The following CACNA2D1 variants were observed in gnomAD, a reference collection of about 807,000 sequenced individuals.
CACNA2D1 encodes the protein voltage-dependent calcium channel subunit alpha-2/delta-1.
A neutral mutation model predicts 171.5 loss-of-function variants in CACNA2D1; 53 were observed. The ratio of observed to expected loss-of-function variants is 0.31; its 90% confidence interval spans 0.25 to 0.39. The LOEUF (loss-of-function observed/expected upper bound fraction) is 0.39, where lower values mean the gene tolerates loss of function less well. CACNA2D1 is among the 10% of genes least tolerant of loss of function. The probability of loss-of-function intolerance (pLI) is 1.00; values close to 1 mark genes in which losing one functional copy is unlikely to be tolerated. For synonymous variants in CACNA2D1, 442 were observed against 443.1 expected (o/e 1.00, Z 0.03); for missense variants, 903 against 1,299.8 (o/e 0.69, Z 4.69).
intron 29 of CACNA2D1, among the ~76,000 whole-genome samples, chr7:81,968,207 C>T (rs543194068): frequency 2.0e-5 from 3 of 151,428 alleles, no homozygotes; most frequent in Non-Finnish European, 4.4e-5. Flanking sequence ...GTAAAGCTGT[C>T]CTCAGGAGCA....
chr7:82,054,824 T>C (rs78181656), intron 10 of CACNA2D1, among the ~76,000 whole-genome samples: 1 of 152,220 alleles, frequency 6.6e-6, no homozygotes, highest in Non-Finnish European at 1.5e-5. Context: ...GATTTTCATC[T>C]GCAGTGATCA....
At chr7:82,146,342 A>G (rs939100954) in intron 4 of CACNA2D1, among the ~76,000 whole-genome samples, 8 of 143,572 alleles carry the variant, frequency 5.6e-5, no homozygotes, top group Non-Finnish European at 1.1e-4. Context: ...GTGTGTGTGT[A>G]GAAGAAATGA....
intron 3 of CACNA2D1, among the ~76,000 whole-genome samples, chr7:82,215,882 G>A (rs1333765898): frequency 6.6e-6 from 1 of 151,986 alleles, no homozygotes. Flanking sequence ...TTTATACTGA[G>A]ATGCATTTAT....
intron 3 of CACNA2D1, among the ~76,000 whole-genome samples, chr7:82,180,969 G>A (rs1585023438): frequency 6.7e-6 from 1 of 148,876 alleles, no homozygotes; most frequent in South Asian, 2.1e-4. Flanking sequence ...ATGCCAGAAG[G>A]GGGAACTTAT....
chr7:82,008,802 G>C (rs1799414836), intron 15 of CACNA2D1, among the ~76,000 whole-genome samples: 1 of 152,008 alleles, frequency 6.6e-6, no homozygotes, highest in African/African-American at 2.4e-5. Context: ...TAATATCAGG[G>C]AGCAAATGTT....
chr7:82,003,010 G>A (rs893705606), intron 18 of CACNA2D1, among the ~76,000 whole-genome samples: 2 of 151,912 alleles, frequency 1.3e-5, no homozygotes, highest in Admixed American at 6.6e-5. Flanking sequence ...TTAAGATTTT[G>A]TTAGTATACT....
intron 4 of CACNA2D1, among the ~76,000 whole-genome samples, chr7:82,140,772 G>A (rs981600002): frequency 1.3e-5 from 2 of 151,796 alleles, no homozygotes; most frequent in South Asian, 2.1e-4. Context: ...TGGCCAACAC[G>A]GTGAAATCCT....
intron 3 of CACNA2D1, among the ~76,000 whole-genome samples, chr7:82,245,306 C>T (rs1804775789): frequency 6.6e-6 from 1 of 152,160 alleles, no homozygotes. Context: ...TCTGAATCCC[C>T]TTGGGCTTAC....
chr7:82,381,034 C>T (rs993249407), intron 1 of CACNA2D1, among the ~76,000 whole-genome samples: 1 of 151,158 alleles, frequency 6.6e-6, no homozygotes, highest in Admixed American at 6.6e-5. Flanking sequence ...CCTTGACGGC[C>T]GGGTGTGGTG....
intron 10 of CACNA2D1, among the ~76,000 whole-genome samples, chr7:82,046,115 G>A (rs7786839): frequency 0.018 from 2,796 of 152,066 alleles, 92 homozygotes; most frequent in African/African-American, 0.062. Flanking sequence ...TTCATTCCAG[G>A]AAAAATTATT....
intron 10 of CACNA2D1, among the ~76,000 whole-genome samples, chr7:82,043,813 T>A (rs1296191254): frequency 6.6e-6 from 1 of 152,100 alleles, no homozygotes; most frequent in Non-Finnish European, 1.5e-5. Context: ...ACGCTACAAG[T>A]CAAAGAAGCA....
intron 3 of CACNA2D1, among the ~76,000 whole-genome samples, chr7:82,313,893 T>C (rs1814776241): frequency 1.3e-5 from 2 of 152,184 alleles, no homozygotes; most frequent in Admixed American, 1.3e-4. Context: ...ATTTTGTAAT[T>C]TAAAATATAT....
At chr7:82,132,506 C>G (rs2129071810) in intron 5 of CACNA2D1, among the ~76,000 whole-genome samples, 1 of 152,312 alleles carries the variant, frequency 6.6e-6, no homozygotes, top group South Asian at 2.1e-4. Context: ...TATGCAAACT[C>G]TGAGACATGC....
At chr7:82,079,831 T>A (rs1476450441) in intron 7 of CACNA2D1, among the ~76,000 whole-genome samples, 1 of 151,808 alleles carries the variant, frequency 6.6e-6, no homozygotes, top group Non-Finnish European at 1.5e-5. Flanking sequence ...AGAGGAGGAA[T>A]AAATTCAAGA....
At chr7:82,122,495 C>A (rs1224341328) in intron 5 of CACNA2D1, among the ~76,000 whole-genome samples, 1 of 152,072 alleles carries the variant, frequency 6.6e-6, no homozygotes, top group Non-Finnish European at 1.5e-5. Flanking sequence ...GTAAGGCGAG[C>A]CATTAGCAAT....
chr7:82,334,240 T>C (rs897369824), intron 3 of CACNA2D1, among the ~76,000 whole-genome samples: 11 of 152,186 alleles, frequency 7.2e-5, no homozygotes, highest in Non-Finnish European at 1.5e-5. Context: ...AGTGAAGGTC[T>C]GAATTGATAC....
chr7:82,367,188 C>T (rs1207218653), intron 1 of CACNA2D1, among the ~76,000 whole-genome samples: 2 of 151,944 alleles, frequency 1.3e-5, no homozygotes, highest in Non-Finnish European at 1.5e-5. Flanking sequence ...AGGATTACAG[C>T]ATGAGCCACC....
intron 18 of CACNA2D1, among the ~76,000 whole-genome samples, chr7:82,004,238 G>C (rs1031909694): frequency 2.5e-4 from 38 of 151,974 alleles, no homozygotes; most frequent in Admixed American, 1.9e-3. Flanking sequence ...GAATTTAACA[G>C]GATATGCTTT....
intron 29 of CACNA2D1, 125 bp downstream of exon 29, chr7:81,968,762 G>A: frequency 3.0e-6 from 2 of 673,614 alleles, no homozygotes; most frequent in Non-Finnish European, 2.7e-6. Flanking sequence ...TTTTTTAAGT[G>A]TGCATGCCTT....
Sources: gnomAD v4.1 joint callset for allele counts (sites outside exome capture counted in the v4.1 genomes callset) on GRCh38, gnomAD v4.1.1 for gene constraint, MANE v1.5 for transcripts, NCBI Gene and HGNC (gene_info 2026-07-23, HGNC 2026-07-21) for gene names.